The following CENPQ variants were observed in gnomAD, a reference collection of about 807,000 sequenced individuals.
CENPQ encodes centromere protein Q, also known as chromosome 6 open reading frame 139.
CENPQ carries 27 observed loss-of-function variants against 36.6 expected under a neutral mutation model. That is an observed-to-expected ratio of 0.74 (90% CI 0.54 to 1.02). The LOEUF is 1.02. Among genes scored for constraint, CENPQ ranks in the 50% least tolerant of loss-of-function variants. CENPQ has a pLI of 0.00. For missense variants in CENPQ, 306 were observed against 301.8 expected (o/e 1.01, Z -0.10); for synonymous variants, 101 against 101.7 (o/e 0.99, Z 0.04).
intron 6 of CENPQ, among the ~76,000 whole-genome samples, chr6:49,483,684 C>T (rs1689180643): frequency 6.6e-6 from 1 of 152,248 alleles, no homozygotes; most frequent in Non-Finnish European, 1.5e-5. Flanking sequence ...TTGCCCAGGG[C>T]TGGCAGGGCC....
chr6:49,475,396 A>C (rs568289021), intron 5 of CENPQ, among the ~76,000 whole-genome samples: 1 of 152,222 alleles, frequency 6.6e-6, no homozygotes, highest in African/African-American at 2.4e-5. Flanking sequence ...AAAACTCTAA[A>C]TAAATTAGGT....
intron 6 of CENPQ, among the ~76,000 whole-genome samples, chr6:49,485,105 G>A (rs1249132410): frequency 1.3e-5 from 2 of 152,296 alleles, no homozygotes; most frequent in East Asian, 3.9e-4. Flanking sequence ...GGGCAGGAGA[G>A]TTCTCCATTG....
At chr6:49,475,762 C>T (rs1228864411) in intron 5 of CENPQ, among the ~76,000 whole-genome samples, 2 of 152,106 alleles carry the variant, frequency 1.3e-5, no homozygotes, top group African/African-American at 4.8e-5. Context: ...AAATCACAAG[C>T]ATTCTTATAC....
chr6:49,474,461 G>C (rs1768224214), intron 5 of CENPQ, among the ~76,000 whole-genome samples: 1 of 152,136 alleles, frequency 6.6e-6, no homozygotes, highest in Admixed American at 6.5e-5. Context: ...GATGTTCTTT[G>C]AAACCAACGA....
rs1768737142 is a variant in CENPQ at position 49,492,199 on chromosome 6, T to C, written c.731T>C (p.Ile244Thr). The C allele has an allele frequency of 6.2e-7, 1 of 1,608,670 alleles. No individual in the cohort carries two copies. The highest frequency in any genetic ancestry group is 1.1e-5 in the South Asian group (1 of 89,116). ...NQNALLKDLD[I>T]LHNSSQMKSM... ...AATGCTCTTCTAAAGGACTTGGATA[T>C]TCTTCATAATTCATCACAGATGAAG... The change falls in exon 9 of 9, where the codon ATT becomes ACT. Residue 244 changes from isoleucine (I) to threonine (T), a missense_variant. Physicochemically the swap from Ile to Thr is moderately conservative, Grantham distance 89. Coordinates refer to ENST00000335783, the MANE Select transcript of CENPQ (RefSeq NM_018132.4).
chr6:49,492,072 C>T, intron 8 of CENPQ, 72 bp from the exon 9 acceptor site: 2 of 1,190,846 alleles, frequency 1.7e-6, no homozygotes, highest in East Asian at 2.4e-5. Context: ...TTTTACTGTT[C>T]TCTCTAACAT....
chr6:49,472,129 C>T lies in CENPQ; in HGVS notation c.224C>T (p.Pro75Leu). The change falls in exon 4 of 9, where the codon CCT becomes CTT. Residue 75 changes from proline (P) to leucine (L), a missense_variant. Physicochemically the swap from Pro to Leu is moderately conservative, Grantham distance 98. Transcript: ENST00000335783. ...GCCAGCAAGAGAAAAACCTGGCAAC[C>T]TCTGTCAAAGAGTACCAGAGACCAT... Reference protein sequence around the residue: ...TAASKRKTWQPLSKSTRDHLQ... With the variant: ...TAASKRKTWQLLSKSTRDHLQ... 1 of 1,612,692 alleles carries T rather than the reference C, an allele frequency of 6.2e-7. No homozygotes were observed. Among genetic ancestry groups the T allele is most frequent in the East Asian group, 2.2e-5 (1 of 44,806 alleles).
At chr6:49,471,999 AT>A (rs1768146903) in intron 3 of CENPQ, 63 bp from the exon 4 acceptor site, 1 of 1,500,978 alleles carries the variant, frequency 6.7e-7, no homozygotes, top group African/African-American at 1.4e-5. Context: ...AAAACATTCC[AT>A]TTTTAAGCAA....
At position 49,492,552 on chromosome 6, in the gene CENPQ, C is replaced by G. The variant is rs756813288; in HGVS notation, c.*277C>G. 1.1e-3 allele frequency: 298 copies of G among 277,560 alleles called. 1 individual carries two copies. The highest frequency in any genetic ancestry group is 1.8e-3 in the Non-Finnish European group (273 of 151,684). 17.2% of individuals were successfully genotyped at this position (277,560 alleles called of 1,614,324 possible). On this transcript the variant is annotated 3_prime_UTR_variant, in exon 9 of 9. Coordinates refer to ENST00000335783, the MANE Select transcript of CENPQ (RefSeq NM_018132.4). Reference sequence around the variant, plus strand: ...ATAAAATAGGAATTGCCTTAAGGATCTAGTAGTTTATAATGCCTGAATGGA... The same window carrying G: ...ATAAAATAGGAATTGCCTTAAGGATGTAGTAGTTTATAATGCCTGAATGGA...
intron 5 of CENPQ, 94 bp from the exon 6 acceptor site, chr6:49,480,840 AAAGAATATTGTACCCTT>A: frequency 1.6e-6 from 1 of 607,752 alleles, no homozygotes; most frequent in South Asian, 3.8e-5. Context: ...AGTGGTAATA[AAAGAATATTGTACCCTT>A]AAGAATATGA....
chr6:49,486,880 C>T (rs1233266468), intron 6 of CENPQ, among the ~76,000 whole-genome samples: 1 of 151,788 alleles, frequency 6.6e-6, no homozygotes, highest in Non-Finnish European at 1.5e-5. Flanking sequence ...GGCGTGGTGG[C>T]TCACGCCTGT....
In CENPQ at chr6:49,488,385, T is replaced by C. The variant is rs1768639002; in HGVS notation, c.511T>C (p.Leu171=). ...EIDKMVETTE[L]MTGNIQSLKN... ...AGATAAAATGGTAGAGACCACAGAG[T>C]TAATGACTGGGAATATTCAGAGCCT... Residue 171 remains leucine, a synonymous_variant, in exon 7 of 9, where the codon TTA becomes CTA. Transcript: ENST00000335783. 6.2e-7 allele frequency: 1 copy of C among 1,611,712 alleles called. No homozygotes were observed. Among genetic ancestry groups the C allele is most frequent in the East Asian group, 2.2e-5 (1 of 44,736 alleles).
intron 8 of CENPQ, among the ~76,000 whole-genome samples, chr6:49,489,489 T>G (rs934411783): frequency 1.3e-5 from 2 of 152,228 alleles, no homozygotes; most frequent in African/African-American, 4.8e-5. Context: ...CCATGAGGAT[T>G]CAAAATTGAA....
chr6:49,472,732 AAG>A, intron 4 of CENPQ, 56 bp from the exon 5 acceptor site: 1 of 1,304,298 alleles, frequency 7.7e-7, no homozygotes, highest in East Asian at 3.0e-5. Context: ...AAAAAGTACA[AAG>A]AGTATATGAT....
At chr6:49,468,365 G>C (rs1374079713) in intron 1 of CENPQ, among the ~76,000 whole-genome samples, 1 of 152,072 alleles carries the variant, frequency 6.6e-6, no homozygotes, top group East Asian at 1.9e-4. Context: ...GACCGAGGCA[G>C]GAGGATCACT....
At chr6:49,472,668 A>G in intron 4 of CENPQ, 122 bp from the exon 5 acceptor site, 1 of 658,734 alleles carries the variant, frequency 1.5e-6, no homozygotes, top group Middle Eastern at 3.0e-4. Context: ...TGAAAGGAAA[A>G]GTGATTGATT....
At chr6:49,483,545 G>C (rs1164734238) in intron 6 of CENPQ, among the ~76,000 whole-genome samples, 1 of 152,212 alleles carries the variant, frequency 6.6e-6, no homozygotes, top group Non-Finnish European at 1.5e-5. Flanking sequence ...TCGGGCTGCA[G>C]GTCCCAAGCC....
In CENPQ at chr6:49,492,180, C is replaced by T. The variant is rs199616215; in HGVS notation, c.712C>T (p.Leu238Phe). The part of the protein sequence containing the change: ...ILALIPNQNA[L>F]LKDLDILHNS... ...GGCGCTAATTCCAAACCAGAATGCT[C>T]TTCTAAAGGACTTGGATATTCTTCA... Residue 238 changes from leucine (L) to phenylalanine (F), a missense_variant, in exon 9 of 9, where the codon CTT becomes TTT. By Grantham distance (22) the Leu-to-Phe change is conservative. Coordinates refer to ENST00000335783, the MANE Select transcript of CENPQ (RefSeq NM_018132.4). 8 of 1,606,766 alleles carry T rather than the reference C, an allele frequency of 5.0e-6. No homozygotes were observed. The East Asian group carries it at 8.9e-5, about 18-fold the overall frequency.
chr6:49,484,720 C>T (rs376138017), intron 6 of CENPQ, among the ~76,000 whole-genome samples: 116 of 152,240 alleles, frequency 7.6e-4, no homozygotes, highest in African/African-American at 2.7e-3. Flanking sequence ...GTATTTTTAG[C>T]TAATAGGGCG....
Sources: allele counts gnomAD v4.1 joint callset (sites outside exome capture counted in the v4.1 genomes callset), GRCh38; gene constraint gnomAD v4.1.1; transcripts MANE v1.5; gene names NCBI Gene and HGNC (gene_info 2026-07-23, HGNC 2026-07-21).